Variants in CELF2 observed in about 807,000 individuals in gnomAD.
CELF2 encodes the protein CUG triplet repeat RNA-binding protein 2.
In CELF2, 8 loss-of-function variants were observed where a neutral mutation model predicts 62.6. The ratio of observed to expected loss-of-function variants is 0.13; its 90% CI spans 0.07 to 0.23. The LOEUF (loss-of-function observed/expected upper bound fraction) is 0.23. Ranked by LOEUF, CELF2 falls within the 10% of genes least tolerant of loss-of-function variation. CELF2 has a pLI of 1.00. For missense variants in CELF2, 333 were observed against 671.0 expected, an observed-to-expected ratio of 0.50 and a Z score of 5.56; for synonymous variants, 258 against 250.0, an observed-to-expected ratio of 1.03 and a Z score of -0.30.
chr10:11,259,461 C>T (rs2079814523), intron 5 of CELF2, among the ~76,000 whole-genome samples: 1 of 148,652 alleles, frequency 6.7e-6, no homozygotes, highest in South Asian at 2.1e-4. Flanking sequence ...GCATGGAAAT[C>T]AGTTTATGCA....
chr10:11,068,553 A>T lies in CELF2; in HGVS notation c.74+50390A>T, dbSNP rs117580943. Among the ~76,000 whole-genome samples, 522 of 148,520 alleles carry T rather than the reference A, an allele frequency of 3.5e-3. 22 individuals are homozygous for T. The East Asian group carries it at 0.093, about 26-fold the overall frequency. On this transcript the variant is annotated intron_variant, in intron 1 of 12. Transcript: ENST00000633077. ...TTGAAGGAACAAACAGAACATTATG[A>T]GAACATTATTTCTGTTTTTTTTTTT... is the stretch of plus-strand genomic sequence containing the variant.
the CELF2 span, among the ~76,000 whole-genome samples, chr10:10,667,937 T>C: frequency 3.3e-5 from 5 of 152,162 alleles, no homozygotes; most frequent in Non-Finnish European, 5.9e-5. Context: ...TTTGACTAAA[T>C]TGACTGCTCA....
At chr10:10,979,297 A>G (rs147622151) in intron 2 of CELF2, among the ~76,000 whole-genome samples, 95 of 152,330 alleles carry the variant, frequency 6.2e-4, no homozygotes, top group Non-Finnish European at 1.2e-3. Context: ...CAAACCTCAG[A>G]TTATAAATCT....
At chr10:10,792,243 C>T in the CELF2 span, 28 of 395,824 alleles carry the variant, frequency 7.1e-5, no homozygotes, top group Non-Finnish European at 1.0e-4. Flanking sequence ...GTGGTTACCA[C>T]CTTGAATTAC....
chr10:10,807,820 G>A (rs984774385), intron 1 of CELF2, among the ~76,000 whole-genome samples: 4 of 152,098 alleles, frequency 2.6e-5, no homozygotes, highest in African/African-American at 9.7e-5. Flanking sequence ...TCTTGAGTTA[G>A]CAATTTTATG....
rs1239067001 is a variant in CELF2 at position 11,242,897 on chromosome 10, C to G, written c.355-6256C>G. On this transcript the variant is annotated intron_variant, in intron 3 of 12. Transcript: ENST00000633077. This position sits in a 1 kb window ranked among gnomAD's most constrained non-coding sequence, Gnocchi z 4.8. ...GGAGGCTTGTGTGGTCCGCCACCAA[C>G]AGATGGCTCCTACCAGGGCGACAGG... Among the ~76,000 whole-genome samples, 1 of 152,200 alleles carries G rather than the reference C, an allele frequency of 6.6e-6. No homozygotes were observed. Among genetic ancestry groups the G allele is most frequent in the East Asian group, 1.9e-4 (1 of 5,198 alleles).
rs1342516639 is a variant in CELF2, at chr10:11,311,839, C to T, written c.977-2300C>T. On this transcript the variant is annotated intron_variant, in intron 9 of 12. Transcript: ENST00000633077. This position sits in a 1 kb window ranked among gnomAD's most constrained non-coding sequence, Gnocchi z 4.7. ...ATCTAACTTAGGTCTAGCTAAATTCCTAGTGGAAAGGAGAAAGAGAATGGG... is the reference window on the plus strand; with the variant it reads ...ATCTAACTTAGGTCTAGCTAAATTCTTAGTGGAAAGGAGAAAGAGAATGGG... Among the ~76,000 whole-genome samples, 3 of 151,496 alleles carry T rather than the reference C, an allele frequency of 2.0e-5. No homozygotes were observed. The East Asian group carries it at 5.8e-4, about 29-fold the overall frequency.
At chr10:10,970,354 A>G (rs2050633428) in intron 2 of CELF2, among the ~76,000 whole-genome samples, 1 of 152,222 alleles carries the variant, frequency 6.6e-6, no homozygotes, top group Non-Finnish European at 1.5e-5. Flanking sequence ...GGTGTAAGCC[A>G]CCAAGCCCAG....
chr10:11,096,002 G>A (rs532646351), intron 1 of CELF2, among the ~76,000 whole-genome samples: 11 of 152,130 alleles, frequency 7.2e-5, no homozygotes, highest in East Asian at 3.9e-4. Context: ...CACCTACCTC[G>A]CATCCATAGG....
intron 1 of CELF2, among the ~76,000 whole-genome samples, chr10:11,106,207 TTTTA>T (rs10624331): frequency 0.026 from 3,659 of 140,456 alleles, 97 homozygotes; most frequent in African/African-American, 0.059. Flanking sequence ...TTTTACTTTA[TTTTA>T]TTTATTTATT....
intron 2 of CELF2, among the ~76,000 whole-genome samples, chr10:11,197,049 G>GA (rs1554936606): frequency 3.9e-5 from 2 of 51,596 alleles, no homozygotes; most frequent in Non-Finnish European, 8.4e-5. Flanking sequence ...AAGAAAGAAA[G>GA]AAAGAAAGAA....
intron 1 of CELF2, among the ~76,000 whole-genome samples, chr10:11,111,733 A>G (rs1278544270): frequency 1.3e-4 from 20 of 152,216 alleles, no homozygotes; most frequent in Admixed American, 1.3e-3. Context: ...TGTCTTTCCT[A>G]CAGGCAGAGT....
intron 5 of CELF2, among the ~76,000 whole-genome samples, chr10:11,261,629 C>G (rs1233233647): frequency 6.6e-6 from 1 of 152,176 alleles, no homozygotes; most frequent in African/African-American, 2.4e-5. Flanking sequence ...GGCAGCGTAG[C>G]CATATCTCAG....
the CELF2 span, among the ~76,000 whole-genome samples, chr10:10,499,110 A>G: frequency 6.9e-6 from 1 of 144,386 alleles, no homozygotes; most frequent in African/African-American, 2.6e-5. Context: ...TCTGTTGCCT[A>G]GGCTAGAGTT....
chr10:11,163,732 G>T (rs1292792151), intron 1 of CELF2, among the ~76,000 whole-genome samples: 1 of 152,142 alleles, frequency 6.6e-6, no homozygotes, highest in East Asian at 1.9e-4. Context: ...TAAAATAGGG[G>T]GATACGAAGA....
intron 1 of CELF2, among the ~76,000 whole-genome samples, chr10:10,908,207 T>C (rs1460720974): frequency 7.3e-6 from 1 of 136,842 alleles, no homozygotes; most frequent in Non-Finnish European, 1.5e-5. Flanking sequence ...AAAGAATGTA[T>C]GAGGGGATTT....
At chr10:11,024,302 A>G (rs965798714) in intron 1 of CELF2, among the ~76,000 whole-genome samples, 3 of 152,134 alleles carry the variant, frequency 2.0e-5, no homozygotes, top group South Asian at 2.1e-4. Context: ...TTGATTTTAA[A>G]TCTCAGTAAT....
At chr10:10,470,086 A>C in the CELF2 span, among the ~76,000 whole-genome samples, 1 of 151,904 alleles carries the variant, frequency 6.6e-6, no homozygotes. Context: ...GGAATAATGC[A>C]AACATTGTAT....
the CELF2 span, among the ~76,000 whole-genome samples, chr10:10,788,660 G>A: frequency 0.22 from 33,104 of 151,300 alleles, 3,836 homozygotes; most frequent in East Asian, 0.42. Flanking sequence ...ATGGGGTTTC[G>A]CCACATTGGC....
Sources: allele counts gnomAD v4.1 joint callset (sites outside exome capture counted in the v4.1 genomes callset), GRCh38; gene constraint gnomAD v4.1.1; non-coding constraint Gnocchi (gnomAD v3.1); transcripts MANE v1.5; gene names NCBI Gene and HGNC (gene_info 2026-07-23, HGNC 2026-07-21).